Variants in MEGF8 observed in about 807,000 individuals in gnomAD.
MEGF8 encodes the protein multiple epidermal growth factor-like domains protein 8.
A neutral mutation model predicts 302.9 loss-of-function variants in MEGF8; 156 were observed. The observed-to-expected ratio is 0.52, with a 90% confidence interval of 0.45 to 0.59. The LOEUF (loss-of-function observed/expected upper bound fraction) is 0.59, where lower values mean the gene tolerates loss of function less well. Ranked by LOEUF, MEGF8 falls within the 20% of genes least tolerant of loss-of-function variation. The pLI is 0.00. For synonymous variants in MEGF8, 1,621 were observed against 1,660.5 expected (o/e 0.98, Z 0.58); for missense variants, 3,345 against 3,964.5 (o/e 0.84, Z 4.20).
In MEGF8 at chr19:42,352,688, T is replaced by G. The variant is rs909115371; in HGVS notation, c.3350+232T>G. Reference sequence around the variant, plus strand: ...AGGCTGTGGGCCATAGTCTTCAGCGTTGCCATGGAGGCGGAGGAGGACCTA... The same window carrying G: ...AGGCTGTGGGCCATAGTCTTCAGCGGTGCCATGGAGGCGGAGGAGGACCTA... On this transcript the variant is annotated intron_variant, in intron 19 of 41. Coordinates refer to ENST00000251268, the MANE Select transcript of MEGF8 (RefSeq NM_001271938.2). The surrounding 1 kb of genome is among the most constrained non-coding windows in gnomAD (Gnocchi z 4.4). The G allele has an allele frequency of 5.3e-5, 35 of 666,008 alleles. No individual in the cohort carries two copies. Among genetic ancestry groups the G allele is most frequent in the Non-Finnish European group, 8.6e-5 (34 of 397,398 alleles). 41.3% of individuals were successfully genotyped at this position (666,008 alleles called of 1,614,324 possible). A position where few individuals can be genotyped will look rare whatever the true frequency, so the allele number is the denominator to read the frequency against.
intron 8 of MEGF8, among the ~76,000 whole-genome samples, chr19:42,339,060 C>T (rs1034727099): frequency 6.6e-6 from 1 of 151,992 alleles, no homozygotes; most frequent in Non-Finnish European, 1.5e-5. Context: ...TCTCAAACTC[C>T]TGACCTCAGG....
chr19:42,357,700 A>G lies in MEGF8; in HGVS notation c.5011+116A>G, dbSNP rs1206040. On this transcript the variant is annotated intron_variant, in intron 28 of 41. Coordinates refer to ENST00000251268, the MANE Select transcript of MEGF8 (RefSeq NM_001271938.2). The surrounding 1 kb of genome is among the most constrained non-coding windows in gnomAD (Gnocchi z 5.2). The stretch of plus-strand genomic sequence containing the variant: ...GGCCACCTGTCTCCCTCTCTTTCCC[A>G]TCCCCATGCAGATTCTCAGGGCACC... 0.067 allele frequency: 62,619 copies of G among 930,916 alleles called. 2,890 individuals are homozygous for G. Among genetic ancestry groups the G allele is most frequent in the South Asian group, 0.16 (9,346 of 59,526 alleles). 57.7% of individuals were successfully genotyped at this position (930,916 alleles called of 1,614,324 possible). A position where few individuals can be genotyped will look rare whatever the true frequency, so the allele number is the denominator to read the frequency against.
At position 42,371,483 on chromosome 19, in the gene MEGF8, G is replaced by A. The variant is rs1420194594; in HGVS notation, c.7269+1G>A. 6.2e-7 allele frequency: 1 copy of A among 1,613,812 alleles called. No homozygotes were observed. Among genetic ancestry groups the A allele is most frequent in the Admixed American group, 1.7e-5 (1 of 60,026 alleles). ...CCGTCGAGACTGCTACAAGTACCAGGTGCGGCTGCAGAAGCTAGTGGTGGG... is the reference window on the plus strand; with the variant it reads ...CCGTCGAGACTGCTACAAGTACCAGATGCGGCTGCAGAAGCTAGTGGTGGG... On this transcript the variant is annotated splice_donor_variant, in intron 41 of 41. Coordinates refer to ENST00000251268, the MANE Select transcript of MEGF8 (RefSeq NM_001271938.2). LOFTEE classifies it high-confidence loss of function.
At chr19:42,332,999 G>A (rs1432305627) in intron 1 of MEGF8, among the ~76,000 whole-genome samples, 1 of 152,236 alleles carries the variant, frequency 6.6e-6, no homozygotes, top group Non-Finnish European at 1.5e-5. Context: ...CATAAGCTCA[G>A]GCAGTCTGGT....
Position 42,375,458 on chromosome 19 carries a change from T to G in MEGF8, c.7270-49T>G. The G allele has an allele frequency of 6.7e-7, 1 of 1,494,794 alleles. No individual in the cohort carries two copies. Among genetic ancestry groups the G allele is most frequent in the Middle Eastern group, 1.8e-4 (1 of 5,670 alleles). 92.6% of individuals were successfully genotyped at this position (1,494,794 alleles called of 1,614,324 possible). ...CGTCACTGCTGCTTGGGGGACAGGC[T>G]GGCACCGCACTCAGCCCTGATGGTC... On this transcript the variant is annotated intron_variant, in intron 41 of 41. Coordinates refer to ENST00000251268, the MANE Select transcript of MEGF8 (RefSeq NM_001271938.2). The surrounding 1 kb of genome is among the most constrained non-coding windows in gnomAD (Gnocchi z 7.1).
rs2039350499 is a variant in MEGF8 at position 42,350,344 on chromosome 19, C to T, written c.2696C>T (p.Pro899Leu). 2 of 1,602,376 alleles carry T rather than the reference C, an allele frequency of 1.2e-6. No individual in the cohort carries two copies. Among genetic ancestry groups the T allele is most frequent in the African/African-American group, 1.3e-5 (1 of 74,980 alleles). Residue 899 changes from proline to leucine, a missense_variant, in exon 15 of 42, where the codon CCA becomes CTA. Transcript: ENST00000251268. ...CTGGTGCTGGTGCCTACCCTCTGCCCACTCTGCGAGGAGCATCGGGACTGC... is the reference window on the plus strand; with the variant it reads ...CTGGTGCTGGTGCCTACCCTCTGCCTACTCTGCGAGGAGCATCGGGACTGC... ...SLLVLVPTLC[P>L]LCEEHRDCHA...
rs1287072057 is a variant in MEGF8 at position 42,336,978 on chromosome 19, G to A, written c.1390+26G>A. The A allele has an allele frequency of 6.2e-7, 1 of 1,613,684 alleles. No individual in the cohort carries two copies. Among genetic ancestry groups the A allele is most frequent in the South Asian group, 1.1e-5 (1 of 91,056 alleles). ...GTGAGGAGGCTCCCCAATCCTGCCT[G>A]CCTGCCTGCTGAGGGCCTGAGCCAA... On this transcript the variant is annotated intron_variant, in intron 7 of 41. Transcript: ENST00000251268. This position sits in a 1 kb window ranked among gnomAD's most constrained non-coding sequence, Gnocchi z 4.8.
At chr19:42,343,879 G>C in intron 9 of MEGF8, 75 bp from the exon 10 acceptor site, 1 of 1,541,654 alleles carries the variant, frequency 6.5e-7, no homozygotes, top group South Asian at 1.2e-5. Context: ...CGGGGACTTG[G>C]GAGGCCGGCC....
rs917051965 is a variant in MEGF8, at chr19:42,375,296, G to A, written c.7270-211G>A. On this transcript the variant is annotated intron_variant, in intron 41 of 41. Transcript: ENST00000251268. The surrounding 1 kb of genome is among the most constrained non-coding windows in gnomAD (Gnocchi z 7.1). Reference sequence around the variant, plus strand: ...CTCAGGTCACTAGGGTGGCACCAGGGGCAGCAGTGCTGGAGTGCCAGGTCC... The same window carrying A: ...CTCAGGTCACTAGGGTGGCACCAGGAGCAGCAGTGCTGGAGTGCCAGGTCC... Among the ~76,000 whole-genome samples, 1 of 152,204 alleles carries A rather than the reference G, an allele frequency of 6.6e-6. No homozygotes were observed. The highest frequency in any genetic ancestry group is 2.4e-5 in the African/African-American group (1 of 41,446).
At chr19:42,348,664 A>T (rs1387303090) in intron 13 of MEGF8, among the ~76,000 whole-genome samples, 192 bp downstream of exon 13, 1 of 152,138 alleles carries the variant, frequency 6.6e-6, no homozygotes, top group Non-Finnish European at 1.5e-5. Context: ...CAGTGGCGCG[A>T]TCTCGGCTCA....
At chr19:42,349,914 C>G (rs922269854) in intron 14 of MEGF8, among the ~76,000 whole-genome samples, 2 of 152,166 alleles carry the variant, frequency 1.3e-5, no homozygotes. Flanking sequence ...TGACCCCCAT[C>G]TTCTGACTCC....
At chr19:42,341,712 G>A (rs1162007726) in intron 8 of MEGF8, among the ~76,000 whole-genome samples, 1 of 152,140 alleles carries the variant, frequency 6.6e-6, no homozygotes, top group Non-Finnish European at 1.5e-5. Context: ...CTCCCAACGT[G>A]CTGTGATTAT....
intron 3 of MEGF8, 38 bp from the exon 4 acceptor site, chr19:42,334,997 C>T (rs1238883080): frequency 6.4e-7 from 1 of 1,572,646 alleles, no homozygotes; most frequent in East Asian, 2.3e-5. Context: ...CTTGTCTCTC[C>T]CTCTCTTATC....
In MEGF8 at chr19:42,368,627, G is replaced by T. The variant is rs1292779422; in HGVS notation, c.6446G>T (p.Arg2149Leu). The stretch of plus-strand genomic sequence containing the variant: ...TGGGGGGGCCAGGATGGGGGTGGCC[G>T]CTGCATGGAGGGTGGACTCAGCGGC... ...CAWGGQDGGG[R>L]CMEGGLSGPR... The change falls in exon 36 of 42, where the codon CGC (arginine) becomes CTC (leucine). Residue 2149 changes from arginine to leucine, a missense_variant. Coordinates refer to ENST00000251268, the MANE Select transcript of MEGF8 (RefSeq NM_001271938.2). The surrounding 1 kb of genome is among the most constrained non-coding windows in gnomAD (Gnocchi z 4.9). 2 of 1,563,132 alleles carry T rather than the reference G, an allele frequency of 1.3e-6. No homozygotes were observed. Among genetic ancestry groups the T allele is most frequent in the East Asian group, 4.7e-5 (2 of 42,676 alleles).
At position 42,356,571 on chromosome 19, in the gene MEGF8, G is replaced by A; in HGVS notation, c.4622+118G>A. On this transcript the variant is annotated intron_variant, in intron 26 of 41. Transcript: ENST00000251268. The surrounding 1 kb of genome is among the most constrained non-coding windows in gnomAD (Gnocchi z 5.2). ...TAAGGTAAAGGACAGCCCAAAGGAT[G>A]CTGGGACACTTGTCACAGGAAGCTC... 1 of 980,466 alleles carries A rather than the reference G, an allele frequency of 1.0e-6. No homozygotes were observed. The allele number at this position is 980,466 out of a possible 1,614,324, so 60.7% of individuals were successfully genotyped here. A position where few individuals can be genotyped will look rare whatever the true frequency, so the allele number is the denominator to read the frequency against.
rs1401797689 is a variant in MEGF8, at chr19:42,325,933, C to G, written c.-311C>G. 2 of 315,064 alleles carry G rather than the reference C, an allele frequency of 6.3e-6. No individual in the cohort carries two copies. Among genetic ancestry groups the G allele is most frequent in the East Asian group, 1.0e-4 (2 of 19,524 alleles). The allele number at this position is 315,064 out of a possible 1,614,324, so 19.5% of individuals were successfully genotyped here. A position where few individuals can be genotyped will look rare whatever the true frequency, so the allele number is the denominator to read the frequency against. The stretch of plus-strand genomic sequence containing the variant: ...TGAGTCCGTAATGCTGGGCACTGTT[C>G]ATGGGATCGGCCCCCTATGGAGCCC... On this transcript the variant is annotated 5_prime_UTR_variant, in exon 1 of 42. Transcript: ENST00000251268.
chr19:42,368,657 G>A lies in MEGF8; in HGVS notation c.6476G>A (p.Arg2159His), dbSNP rs751962550. ...RCMEGGLSGP[R>H]DGLTCGRPGA... ...ATGGAGGGTGGACTCAGCGGCCCCC[G>A]TGATGGTGAGAGGGCTTTGGGCACT... The change falls in exon 36 of 42, where the codon CGT becomes CAT. Residue 2159 changes from arginine (R) to histidine (H), a missense_variant. Transcript: ENST00000251268. This position sits in a 1 kb window ranked among gnomAD's most constrained non-coding sequence, Gnocchi z 4.9. 1.6e-5 allele frequency: 25 copies of A among 1,544,540 alleles called. No individual in the cohort carries two copies. The highest frequency in any genetic ancestry group is 1.5e-4 in the African/African-American group (11 of 73,566).
intron 8 of MEGF8, 98 bp downstream of exon 8, chr19:42,337,304 T>C: frequency 6.5e-7 from 1 of 1,543,372 alleles, no homozygotes. Context: ...AGGGTGAGCC[T>C]GACATCCAGG....
chr19:42,375,534 G>A lies in MEGF8; in HGVS notation c.7297G>A (p.Gly2433Arg), dbSNP rs1297965523. Residue 2433 changes from glycine (G) to arginine (R), a missense_variant, in exon 42 of 42, where the codon GGG becomes AGG. Transcript: ENST00000251268. This position sits in a 1 kb window ranked among gnomAD's most constrained non-coding sequence, Gnocchi z 7.1. ...QCAKCRESFH[G>R]SPLGGQQCYR... Reference sequence around the variant, plus strand: ...CGCCAAGTGCCGGGAATCATTTCACGGGAGTCCGCTGGGCGGCCAGCAGTG... The same window carrying A: ...CGCCAAGTGCCGGGAATCATTTCACAGGAGTCCGCTGGGCGGCCAGCAGTG... The A allele has an allele frequency of 5.0e-6, 8 of 1,590,120 alleles. No individual in the cohort carries two copies. The highest frequency in any genetic ancestry group is 1.3e-5 in the African/African-American group (1 of 74,302).
Sources: gnomAD v4.1 joint callset for allele counts (sites outside exome capture counted in the v4.1 genomes callset) on GRCh38, gnomAD v4.1.1 for gene constraint, Gnocchi (gnomAD v3.1) non-coding constraint, MANE v1.5 for transcripts, NCBI Gene and HGNC (gene_info 2026-07-23, HGNC 2026-07-21) for gene names.